The following MAGI2 variants were observed in gnomAD, a reference collection of about 807,000 sequenced individuals.
The protein encoded by MAGI2 is membrane associated guanylate kinase, WW and PDZ domain containing 2, also known as membrane-associated guanylate kinase, WW and PDZ domain-containing protein 2.
In MAGI2, 35 loss-of-function variants were observed where a neutral mutation model predicts 133.3. The ratio of observed to expected loss-of-function variants is 0.26; its 90% CI spans 0.20 to 0.35. The LOEUF is 0.35. MAGI2 is among the 10% of genes least tolerant of loss of function. The pLI, the probability that MAGI2 is intolerant of heterozygous loss-of-function variation, is 1.00. For synonymous variants in MAGI2, 729 were observed against 710.6 expected (o/e 1.03, Z -0.41); for missense variants, 1,636 against 1,863.4 (o/e 0.88, Z 2.25).
At position 78,372,260 on chromosome 7, in the gene MAGI2, T is replaced by C. The variant is rs549477341; in HGVS notation, c.1046-3047A>G. On this transcript the variant is annotated intron_variant, in intron 6 of 21. Coordinates refer to ENST00000354212, the MANE Select transcript of MAGI2 (RefSeq NM_012301.4). Reference sequence around the variant, plus strand: ...AAAAAAACTTCTTAACATTATACACTGAAGAGTACACATCTAGATGATGAA... The same window carrying C: ...AAAAAAACTTCTTAACATTATACACCGAAGAGTACACATCTAGATGATGAA... Among the ~76,000 whole-genome samples, 12 of 152,248 alleles carry C rather than the reference T, an allele frequency of 7.9e-5. No individual in the cohort carries two copies. The South Asian group carries it at 2.5e-3, about 32-fold the overall frequency.
intron 2 of MAGI2, among the ~76,000 whole-genome samples, chr7:78,818,296 C>A (rs1015335718): frequency 2.0e-5 from 3 of 152,058 alleles, no homozygotes; most frequent in Non-Finnish European, 4.4e-5. Context: ...TTCCATTAAA[C>A]GTATTCCACA....
At chr7:79,391,683 G>C (rs867360676) in intron 1 of MAGI2, among the ~76,000 whole-genome samples, 7 of 151,324 alleles carry the variant, frequency 4.6e-5, no homozygotes, top group Middle Eastern at 3.4e-3. Flanking sequence ...TTTTTTGTTT[G>C]TTTGTTTGTT....
At chr7:78,663,578 AGAT>A in intron 2 of MAGI2, among the ~76,000 whole-genome samples, 1 of 152,252 alleles carries the variant, frequency 6.6e-6, no homozygotes, top group Non-Finnish European at 1.5e-5. Context: ...GGCATAACTG[AGAT>A]GACCACAAAC....
In MAGI2 at chr7:78,132,913, AGTGGTTGAG is replaced by A; in HGVS notation, c.3170_3178del (p.Pro1057_Pro1059del). On this transcript the variant is annotated inframe_deletion, in exon 18 of 22. Coordinates refer to ENST00000354212, the MANE Select transcript of MAGI2 (RefSeq NM_012301.4). ...CCTATTTTCGTGTCCTTGCAGCTGAAGTGGTTGAGGTGGTGCTGGCTGGGCGATGGGGCT... is the reference window on the plus strand; with the variant it reads ...CCTATTTTCGTGTCCTTGCAGCTGAAGTGGTGCTGGCTGGGCGATGGGGCT... 1 of 1,613,870 alleles carries A rather than the reference AGTGGTTGAG, an allele frequency of 6.2e-7. No individual in the cohort carries two copies. The highest frequency in any genetic ancestry group is 8.5e-7 in the Non-Finnish European group (1 of 1,179,940).
At chr7:78,272,377 G>A (rs1054203487) in intron 9 of MAGI2, among the ~76,000 whole-genome samples, 1 of 152,150 alleles carries the variant, frequency 6.6e-6, no homozygotes, top group African/African-American at 2.4e-5. Context: ...GTCAATTTTA[G>A]AATAAATGCG....
At chr7:78,609,752 G>T (rs1806238166) in intron 3 of MAGI2, among the ~76,000 whole-genome samples, 2 of 152,106 alleles carry the variant, frequency 1.3e-5, no homozygotes, top group Non-Finnish European at 2.9e-5. Flanking sequence ...GTAATACTAA[G>T]AGACACCCTA....
At position 78,629,988 on chromosome 7, in the gene MAGI2, ATATTT is replaced by A. The variant is rs1413935457; in HGVS notation, c.419-2754_419-2750del. 6.6e-5 allele frequency among the ~76,000 whole-genome samples: 10 copies of A among 151,968 alleles called. No homozygotes were observed. The East Asian group carries it at 1.9e-3, about 29-fold the overall frequency. On this transcript the variant is annotated intron_variant, in intron 2 of 21. Coordinates refer to ENST00000354212, the MANE Select transcript of MAGI2 (RefSeq NM_012301.4). ...AAATCAAATAATTTAAATTAAATAA[ATATTT>A]TATTTGTCAAAGTTGCATATACAGA...
intron 3 of MAGI2, among the ~76,000 whole-genome samples, chr7:78,523,871 G>A (rs1273702908): frequency 6.6e-6 from 1 of 152,010 alleles, no homozygotes; most frequent in Non-Finnish European, 1.5e-5. Context: ...GGGAAAGGCC[G>A]AAAAACCATG....
At chr7:79,410,481 G>C (rs967083511) in intron 1 of MAGI2, 1 of 152,124 alleles carries the variant, frequency 6.6e-6, no homozygotes, top group African/African-American at 2.4e-5. Flanking sequence ...CACTGCCAAA[G>C]AATTCTCTCT....
At chr7:78,895,544 CAG>C (rs1405660133) in intron 2 of MAGI2, among the ~76,000 whole-genome samples, 1 of 151,568 alleles carries the variant, frequency 6.6e-6, no homozygotes, top group East Asian at 1.9e-4. Context: ...TGGCTTTACT[CAG>C]TGTAGAAGAC....
rs189060112 is a variant in MAGI2, at chr7:78,132,272, T to C, written c.3203+617A>G. 2.0e-5 allele frequency among the ~76,000 whole-genome samples: 3 copies of C among 152,344 alleles called. No homozygotes were observed. In the East Asian group the frequency reaches 5.8e-4, roughly 29 times the overall value. ...TGACTTTTGTGGTTCAATGGACGTC[T>C]GCAGCCACCTCCTAACTGCTTAACC... On this transcript the variant is annotated intron_variant, in intron 18 of 21. Transcript: ENST00000354212.
intron 2 of MAGI2, among the ~76,000 whole-genome samples, chr7:78,776,701 T>C (rs975152447): frequency 6.6e-6 from 1 of 151,988 alleles, no homozygotes; most frequent in Non-Finnish European, 1.5e-5. Context: ...GGTATTGTGC[T>C]CATGTAAAAT....
intron 1 of MAGI2, among the ~76,000 whole-genome samples, chr7:79,260,275 G>A (rs911738968): frequency 6.6e-6 from 1 of 152,066 alleles, no homozygotes; most frequent in Non-Finnish European, 1.5e-5. Flanking sequence ...AGGATGACTT[G>A]AGCCCGTGAG....
At chr7:78,409,179 A>G (rs1302347707) in intron 6 of MAGI2, among the ~76,000 whole-genome samples, 3 of 152,056 alleles carry the variant, frequency 2.0e-5, no homozygotes, top group Non-Finnish European at 1.5e-5. Context: ...ACCTATTTAT[A>G]TTCCCAACTA....
intron 1 of MAGI2, among the ~76,000 whole-genome samples, chr7:79,171,770 A>ATATTTTTTTTTTT: frequency 2.6e-4 from 8 of 31,218 alleles, no homozygotes; most frequent in Non-Finnish European, 4.4e-4. Context: ...ATATATATAT[A>ATATTTTTTTTTTT]TTTTTTTTTT....
intron 21 of MAGI2, chr7:78,072,540 C>T (rs77364388): frequency 0.044 from 7,570 of 170,948 alleles, 226 homozygotes; most frequent in Middle Eastern, 0.079. Flanking sequence ...ATATTAATCA[C>T]AGGATTTGTT....
chr7:79,035,046 G>A (rs1046259760), intron 1 of MAGI2, among the ~76,000 whole-genome samples: 5 of 152,054 alleles, frequency 3.3e-5, no homozygotes, highest in South Asian at 2.1e-4. Flanking sequence ...GGTTTATTAC[G>A]AGAGAAATAA....
chr7:78,926,594 G>A (rs7795538), intron 2 of MAGI2, among the ~76,000 whole-genome samples: 2,464 of 151,820 alleles, frequency 0.016, 76 homozygotes, highest in African/African-American at 0.057. Flanking sequence ...CAAGAACCTC[G>A]TTAAATAAAG....
intron 2 of MAGI2, among the ~76,000 whole-genome samples, chr7:78,909,730 T>C (rs1798266544): frequency 6.6e-6 from 1 of 152,012 alleles, no homozygotes; most frequent in Non-Finnish European, 1.5e-5. Flanking sequence ...GACAGTGTGA[T>C]TTCTCAAGGA....
Sources: gnomAD v4.1 joint callset for allele counts (sites outside exome capture counted in the v4.1 genomes callset) on GRCh38, gnomAD v4.1.1 for gene constraint, MANE v1.5 for transcripts, NCBI Gene and HGNC (gene_info 2026-07-23, HGNC 2026-07-21) for gene names.